SH3GL2: variants seen among roughly 807,000 people sequenced by gnomAD.
The protein encoded by SH3GL2 is SH3 domain containing GRB2 like 2, endophilin A1.
Under a neutral mutation model 46.0 loss-of-function variants are expected in SH3GL2, and 24 were observed. The observed-to-expected ratio is 0.52, with a 90% CI of 0.38 to 0.73. The LOEUF is 0.73. Among genes scored for constraint, SH3GL2 ranks in the 30% least tolerant of loss-of-function variants. The probability of loss-of-function intolerance (pLI) is 0.00; values close to 1 mark genes in which losing one functional copy is unlikely to be tolerated. For synonymous variants in SH3GL2, 196 were observed against 147.1 expected, an observed-to-expected ratio of 1.33 and a Z score of -2.40; for missense variants, 413 against 424.2, an observed-to-expected ratio of 0.97 and a Z score of 0.23.
At chr9:17,651,887 A>G (rs1290545736) in intron 1 of SH3GL2, among the ~76,000 whole-genome samples, 1 of 152,038 alleles carries the variant, frequency 6.6e-6, no homozygotes. Flanking sequence ...TAAACTGCCC[A>G]GGGTTTACTT....
At chr9:17,791,928 G>A (rs566746048) in intron 7 of SH3GL2, among the ~76,000 whole-genome samples, 5 of 152,324 alleles carry the variant, frequency 3.3e-5, no homozygotes, top group East Asian at 1.9e-4. Flanking sequence ...GGAAACTACC[G>A]TGTGAATGTG....
At chr9:17,609,205 T>A (rs1368204888) in intron 1 of SH3GL2, among the ~76,000 whole-genome samples, 1 of 152,058 alleles carries the variant, frequency 6.6e-6, no homozygotes, top group East Asian at 1.9e-4. Flanking sequence ...GAAATAGAAA[T>A]GCAGAGATGT....
At chr9:17,778,995 GTA>G (rs1823723026) in intron 3 of SH3GL2, among the ~76,000 whole-genome samples, 1 of 152,028 alleles carries the variant, frequency 6.6e-6, no homozygotes, top group Non-Finnish European at 1.5e-5. Flanking sequence ...AGTCAAGTAG[GTA>G]TTAGAATGCC....
intron 1 of SH3GL2, among the ~76,000 whole-genome samples, chr9:17,664,300 G>A (rs1328113547): frequency 6.6e-6 from 1 of 152,096 alleles, no homozygotes; most frequent in Non-Finnish European, 1.5e-5. Flanking sequence ...TCATACCACA[G>A]ATACAATATC....
chr9:17,778,047 A>G (rs1388837726), intron 3 of SH3GL2, among the ~76,000 whole-genome samples: 2 of 152,018 alleles, frequency 1.3e-5, no homozygotes, highest in Non-Finnish European at 2.9e-5. Flanking sequence ...ACATTTCAGT[A>G]TACCTCTTGG....
At chr9:17,768,967 C>T (rs928310943) in intron 3 of SH3GL2, among the ~76,000 whole-genome samples, 4 of 152,208 alleles carry the variant, frequency 2.6e-5, no homozygotes, top group African/African-American at 9.7e-5. Flanking sequence ...CTCCATCTCG[C>T]TCCTTCTGAG....
At chr9:17,674,308 C>A (rs1588226339) in intron 1 of SH3GL2, among the ~76,000 whole-genome samples, 1 of 152,118 alleles carries the variant, frequency 6.6e-6, no homozygotes, top group East Asian at 1.9e-4. Context: ...TCTCTGTTGC[C>A]CAGGCTGGAG....
At chr9:17,658,267 C>A (rs748244267) in intron 1 of SH3GL2, among the ~76,000 whole-genome samples, 9 of 152,150 alleles carry the variant, frequency 5.9e-5, no homozygotes, top group Non-Finnish European at 1.2e-4. Context: ...CCTACTATTT[C>A]AGATCTGTTT....
intron 3 of SH3GL2, among the ~76,000 whole-genome samples, chr9:17,782,365 G>A (rs1588331879): frequency 6.6e-6 from 1 of 152,258 alleles, no homozygotes; most frequent in East Asian, 1.9e-4. Flanking sequence ...ACATAGAGCA[G>A]ATTTTCATGG....
rs113907710 is a variant in SH3GL2 at position 17,625,636 on chromosome 9, C to A, written c.45+46349C>A. Among the ~76,000 whole-genome samples, 634 of 152,306 alleles carry A rather than the reference C, an allele frequency of 4.2e-3. 3 individuals are homozygous for A. The highest frequency in any genetic ancestry group is 0.015 in the African/African-American group (615 of 41,558). On this transcript the variant is annotated intron_variant, in intron 1 of 8. Transcript: ENST00000380607. ...TTAGTAGCAAAGAGCTAGTAAGTGGCAGAACCAGAACTTCAACTTGGCACT... is the reference window on the plus strand; with the variant it reads ...TTAGTAGCAAAGAGCTAGTAAGTGGAAGAACCAGAACTTCAACTTGGCACT...
intron 3 of SH3GL2, among the ~76,000 whole-genome samples, chr9:17,770,269 A>G (rs772542774): frequency 8.5e-5 from 13 of 152,224 alleles, no homozygotes; most frequent in African/African-American, 1.7e-4. Context: ...AGTTGTATCT[A>G]TTTTTGAATG....
chr9:17,787,414 G>A lies in SH3GL2; in HGVS notation c.366G>A (p.Arg122=), dbSNP rs773028349. 5.6e-6 allele frequency: 9 copies of A among 1,612,762 alleles called. No individual in the cohort carries two copies. Among genetic ancestry groups the A allele is most frequent in the South Asian group, 2.2e-5 (2 of 91,064 alleles). Residue 122 remains arginine, a synonymous_variant, in exon 5 of 9, where the codon CGG becomes CGA. Coordinates refer to ENST00000380607, the MANE Select transcript of SH3GL2 (RefSeq NM_003026.5). ...TTGGTGAGGTCGGGGAGGCCATGCG[G>A]GAACTGTCGGAGGTCAAAGACTCTT... ...PALGEVGEAM[R]ELSEVKDSLD... is the part of the protein sequence containing the mutation.
intron 5 of SH3GL2, among the ~76,000 whole-genome samples, chr9:17,788,370 C>A (rs965455093): frequency 6.6e-6 from 1 of 151,980 alleles, no homozygotes; most frequent in East Asian, 1.9e-4. Flanking sequence ...TGGATCAGGG[C>A]ATGGACTGAG....
intron 1 of SH3GL2, among the ~76,000 whole-genome samples, chr9:17,595,146 G>A (rs1233424196): frequency 6.6e-6 from 1 of 152,184 alleles, no homozygotes. Context: ...TTCAGTGGCA[G>A]AGTCAGGATT....
intron 1 of SH3GL2, among the ~76,000 whole-genome samples, chr9:17,580,310 T>C (rs984382914): frequency 6.6e-6 from 1 of 152,218 alleles, no homozygotes; most frequent in Non-Finnish European, 1.5e-5. Context: ...ATTAACGAGC[T>C]TTCTCATAAT....
intron 1 of SH3GL2, among the ~76,000 whole-genome samples, chr9:17,619,861 G>C (rs1390497273): frequency 6.6e-6 from 1 of 152,014 alleles, no homozygotes; most frequent in Admixed American, 6.6e-5. Flanking sequence ...CTTTTTAATA[G>C]ACTCTTCATA....
At chr9:17,681,691 A>G (rs536439324) in intron 1 of SH3GL2, among the ~76,000 whole-genome samples, 1 of 152,230 alleles carries the variant, frequency 6.6e-6, no homozygotes, top group Non-Finnish European at 1.5e-5. Flanking sequence ...ACAAAAGTCA[A>G]AATTGGCAAA....
At chr9:17,664,679 G>A (rs1820299584) in intron 1 of SH3GL2, among the ~76,000 whole-genome samples, 1 of 151,208 alleles carries the variant, frequency 6.6e-6, no homozygotes, top group South Asian at 2.1e-4. Context: ...ATATATAGAA[G>A]TATATAGAAA....
intron 3 of SH3GL2, among the ~76,000 whole-genome samples, chr9:17,772,361 A>G (rs1309956348): frequency 6.6e-6 from 1 of 152,194 alleles, no homozygotes; most frequent in East Asian, 1.9e-4. Flanking sequence ...ACATGAAATT[A>G]TCTTAACTAT....
Sources: gnomAD v4.1 joint callset for allele counts (sites outside exome capture counted in the v4.1 genomes callset) on GRCh38, gnomAD v4.1.1 for gene constraint, MANE v1.5 for transcripts, NCBI Gene and HGNC (gene_info 2026-07-23, HGNC 2026-07-21) for gene names.